The following SCLT1 variants were observed in gnomAD, a reference collection of about 807,000 sequenced individuals.
SCLT1 encodes sodium channel and clathrin linker 1.
SCLT1 carries 78 observed loss-of-function variants against 112.8 expected under a neutral mutation model. The observed-to-expected ratio is 0.69, with a 90% CI of 0.58 to 0.83. The LOEUF is 0.83. Among genes scored for constraint, SCLT1 ranks in the 40% least tolerant of loss-of-function variants. SCLT1 has a pLI of 0.00. For synonymous variants in SCLT1, 257 were observed against 254.7 expected (o/e 1.01, Z -0.09); for missense variants, 747 against 770.4 (o/e 0.97, Z 0.36).
intron 18 of SCLT1, among the ~76,000 whole-genome samples, chr4:128,902,850 T>A (rs1335790607): frequency 6.6e-6 from 1 of 152,256 alleles, no homozygotes. Flanking sequence ...TATATCCTTA[T>A]TCTTTGAGTT....
intron 5 of SCLT1, among the ~76,000 whole-genome samples, chr4:129,011,020 G>C (rs1744473871): frequency 6.6e-6 from 1 of 152,144 alleles, no homozygotes; most frequent in African/African-American, 2.4e-5. Context: ...AATGTTTCCA[G>C]GTTTTGCACA....
chr4:128,885,094 T>C (rs957029719), intron 20 of SCLT1, among the ~76,000 whole-genome samples: 1 of 152,222 alleles, frequency 6.6e-6, no homozygotes, highest in Non-Finnish European at 1.5e-5. Flanking sequence ...GAAAAACATC[T>C]ACATAAAAGT....
intron 2 of SCLT1, among the ~76,000 whole-genome samples, chr4:129,052,863 T>C (rs896251968): frequency 6.6e-6 from 1 of 152,214 alleles, no homozygotes; most frequent in African/African-American, 2.4e-5. Context: ...CTTGTGGGCA[T>C]TTGGTGCTAT....
At position 128,983,950 on chromosome 4, in the gene SCLT1, A is replaced by G. The variant is rs570526750; in HGVS notation, c.686+8217T>C. Among the ~76,000 whole-genome samples the G allele has an allele frequency of 5.9e-5, 9 of 152,308 alleles. No individual in the cohort carries two copies. In the East Asian group the frequency reaches 1.7e-3, roughly 29 times the overall value. ...TCATTCAGAATCTGTCATACTTGAA[A>G]GCAACACTCTCTTCCGTAAAAGAAG... is the stretch of plus-strand genomic sequence containing the variant. On this transcript the variant is annotated intron_variant, in intron 9 of 20. Coordinates refer to ENST00000281142, the MANE Select transcript of SCLT1 (RefSeq NM_144643.4).
At chr4:128,974,777 T>C (rs927348827) in intron 9 of SCLT1, among the ~76,000 whole-genome samples, 1 of 152,112 alleles carries the variant, frequency 6.6e-6, no homozygotes, top group Non-Finnish European at 1.5e-5. Context: ...ATGTTTTAGA[T>C]ATATGTCTGC....
chr4:128,908,262 G>A (rs544290757), intron 18 of SCLT1, among the ~76,000 whole-genome samples: 1 of 152,016 alleles, frequency 6.6e-6, no homozygotes, highest in South Asian at 2.1e-4. Context: ...AACATAGCAT[G>A]TGCCAGATGT....
intron 8 of SCLT1, among the ~76,000 whole-genome samples, chr4:128,994,591 C>A (rs535135667): frequency 2.7e-4 from 41 of 152,216 alleles, no homozygotes; most frequent in African/African-American, 9.4e-4. Flanking sequence ...AAACTCTATA[C>A]TGTGTTCCAT....
At chr4:128,919,697 C>T (rs1309151484) in intron 18 of SCLT1, among the ~76,000 whole-genome samples, 1 of 151,338 alleles carries the variant, frequency 6.6e-6, no homozygotes, top group Non-Finnish European at 1.5e-5. Context: ...AATAAATAAT[C>T]ATAATGACAA....
At chr4:129,019,275 C>T (rs967987840) in intron 5 of SCLT1, among the ~76,000 whole-genome samples, 1 of 152,130 alleles carries the variant, frequency 6.6e-6, no homozygotes, top group Non-Finnish European at 1.5e-5. Context: ...CAAAGATCAT[C>T]TTTATAAAAG....
chr4:129,028,408 G>C lies in SCLT1; in HGVS notation c.290+10633C>G, dbSNP rs1746343095. On this transcript the variant is annotated intron_variant, in intron 5 of 20. Transcript: ENST00000281142. ...ACTATCTGATCTTTGACAAACCTGA[G>C]AAAAACAAGCAATGGGGAAAGGATT... 2.0e-5 allele frequency among the ~76,000 whole-genome samples: 3 copies of C among 152,018 alleles called. No homozygotes were observed. In the South Asian group the frequency reaches 6.2e-4, roughly 32 times the overall value.
At chr4:129,075,970 T>C (rs769338966) in intron 2 of SCLT1, among the ~76,000 whole-genome samples, 3 of 152,126 alleles carry the variant, frequency 2.0e-5, no homozygotes, top group Non-Finnish European at 2.9e-5. Flanking sequence ...ATTCTTTGGC[T>C]CAATCTTCAT....
chr4:128,895,234 T>C (rs1733647939), intron 18 of SCLT1, among the ~76,000 whole-genome samples: 1 of 152,210 alleles, frequency 6.6e-6, no homozygotes, highest in South Asian at 2.1e-4. Flanking sequence ...CTAAACCATG[T>C]ATCTCTAGCA....
chr4:128,985,649 T>C (rs1289182652), intron 9 of SCLT1, among the ~76,000 whole-genome samples: 19 of 152,238 alleles, frequency 1.2e-4, no homozygotes, highest in Admixed American at 1.2e-3. Context: ...ACTTATATTG[T>C]TTTTGTAACA....
intron 2 of SCLT1, among the ~76,000 whole-genome samples, chr4:129,064,172 C>A (rs1750259677): frequency 6.6e-6 from 1 of 151,976 alleles, no homozygotes; most frequent in Non-Finnish European, 1.5e-5. Context: ...TTTGTTTTTT[C>A]TTGTTTGTTA....
At chr4:128,880,694 G>A (rs1468295584), downstream of SCLT1, among the ~76,000 whole-genome samples, 1 of 152,086 alleles carries the variant, frequency 6.6e-6, no homozygotes, top group East Asian at 1.9e-4. Flanking sequence ...CTGCATTAAT[G>A]GAAGTGTAAA....
intron 6 of SCLT1, among the ~76,000 whole-genome samples, chr4:129,003,404 C>A (rs2126088199): frequency 7.0e-6 from 1 of 142,212 alleles, no homozygotes; most frequent in African/African-American, 2.6e-5. Flanking sequence ...GCACGTTCTG[C>A]ACATGTATCC....
chr4:128,918,881 T>G (rs895869967), intron 18 of SCLT1, among the ~76,000 whole-genome samples: 18 of 152,278 alleles, frequency 1.2e-4, no homozygotes, highest in African/African-American at 4.3e-4. Context: ...GACCTAACTA[T>G]CCTAAATATA....
intron 2 of SCLT1, among the ~76,000 whole-genome samples, chr4:129,055,838 C>CAA (rs1446147641): frequency 1.3e-5 from 2 of 150,476 alleles, no homozygotes; most frequent in Non-Finnish European, 3.0e-5. Context: ...AAAACAAAAA[C>CAA]AAACAAACAA....
At chr4:129,002,274 T>C (rs770931139) in intron 6 of SCLT1, among the ~76,000 whole-genome samples, 55 of 151,986 alleles carry the variant, frequency 3.6e-4, no homozygotes, top group Non-Finnish European at 7.5e-4. Flanking sequence ...ATACAAGATA[T>C]GAAACATTTG....
Sources: gnomAD v4.1 joint callset for allele counts (sites outside exome capture counted in the v4.1 genomes callset) on GRCh38, gnomAD v4.1.1 for gene constraint, MANE v1.5 for transcripts, NCBI Gene and HGNC (gene_info 2026-07-23, HGNC 2026-07-21) for gene names.